MALSU1: variants seen among roughly 807,000 people sequenced by gnomAD.
The protein encoded by MALSU1 is mitochondrial assembly of ribosomal large subunit 1.
Under a neutral mutation model 22.1 loss-of-function variants are expected in MALSU1, and 22 were observed. The ratio of observed to expected loss-of-function variants is 1.00; its 90% confidence interval spans 0.71 to 1.42. The LOEUF (loss-of-function observed/expected upper bound fraction) is 1.42. Among genes scored for constraint, MALSU1 ranks in the 40% most tolerant of loss-of-function variants. MALSU1 has a pLI of 0.00. For synonymous variants in MALSU1, 153 were observed against 118.5 expected (o/e 1.29, Z -1.89); for missense variants, 379 against 308.3 (o/e 1.23, Z -1.72).
chr7:23,309,281 C>A, intron 3 of MALSU1, 75 bp from the exon 4 acceptor site: 1 of 1,317,202 alleles, frequency 7.6e-7, no homozygotes, highest in Non-Finnish European at 1.0e-6. Context: ...CTAGAGTTAG[C>A]CAGTGTGTGT....
At position 23,301,013 on chromosome 7, in the gene MALSU1, A is replaced by C. The variant is rs537148920; in HGVS notation, c.431A>C (p.Lys144Thr). ...HLHAMAFYVV[K>T]MYKHLKCKRD... The stretch of plus-strand genomic sequence containing the variant: ...CATGCCATGGCCTTCTACGTTGTGA[A>C]AATGGTAGGATGCTTTCTTTTCTCT... Residue 144 changes from lysine to threonine, a missense_variant, in exon 2 of 4, where the codon AAA becomes ACA. Transcript: ENST00000466681. 4 of 1,611,958 alleles carry C rather than the reference A, an allele frequency of 2.5e-6. No individual in the cohort carries two copies. The African/African-American group carries it at 5.3e-5, about 22-fold the overall frequency.
At chr7:23,306,914 GTTC>G (rs903497293) in intron 2 of MALSU1, among the ~76,000 whole-genome samples, 1 of 152,126 alleles carries the variant, frequency 6.6e-6, no homozygotes. Flanking sequence ...AGTGTTCCCT[GTTC>G]TTCAATTTTT....
At chr7:23,307,998 T>C in intron 3 of MALSU1, 49 bp downstream of exon 3, 5 of 1,298,230 alleles carry the variant, frequency 3.9e-6, no homozygotes, top group Non-Finnish European at 5.6e-6. Flanking sequence ...ACTACGCTAA[T>C]CTTGAATTGT....
chr7:23,306,922 A>AT (rs577978533), intron 2 of MALSU1, among the ~76,000 whole-genome samples: 51 of 152,206 alleles, frequency 3.4e-4, no homozygotes, highest in African/African-American at 1.2e-3. Flanking sequence ...CTGTTCTTCA[A>AT]TTTTTTGGGG....
chr7:23,307,787 C>CCAA (rs1157014006), intron 2 of MALSU1, 81 bp from the exon 3 acceptor site: 8 of 848,476 alleles, frequency 9.4e-6, no homozygotes, highest in African/African-American at 8.9e-5. Context: ...AACAAACAAA[C>CCAA]AAACAAAAAA....
At position 23,310,328 on chromosome 7, in the gene MALSU1, G is replaced by T. The variant is rs1164648467; in HGVS notation, c.*785G>T. The T allele has an allele frequency of 1.3e-5, 2 of 152,174 alleles. No homozygotes were observed. Among genetic ancestry groups the T allele is most frequent in the Admixed American group, 1.3e-4 (2 of 15,264 alleles). The allele number at this position is 152,174 out of a possible 1,614,324, so 9.4% of individuals were successfully genotyped here. A position where few individuals can be genotyped will look rare whatever the true frequency, so the allele number is the denominator to read the frequency against. Reference sequence around the variant, plus strand: ...ATGGTGAGTACAAAACTCAATTATAGAATTATTTCTTAGCTAGTACCAGAT... The same window carrying T: ...ATGGTGAGTACAAAACTCAATTATATAATTATTTCTTAGCTAGTACCAGAT... On this transcript the variant is annotated 3_prime_UTR_variant, in exon 4 of 4. Coordinates refer to ENST00000466681, the MANE Select transcript of MALSU1 (RefSeq NM_138446.2).
At chr7:23,303,308 GACT>G (rs1783672909) in intron 2 of MALSU1, among the ~76,000 whole-genome samples, 1 of 152,146 alleles carries the variant, frequency 6.6e-6, no homozygotes, top group Non-Finnish European at 1.5e-5. Context: ...CGACTTATCT[GACT>G]TAGCATAATG....
Position 23,310,420 on chromosome 7 carries a change from AAT to A in MALSU1, c.*880_*881del, listed in dbSNP as rs1441688061. ...TGCCATACTAAAAGGCTAGAAGTGA[AAT>A]ATGACAGAATTTAAACCAGCAGATA... On this transcript the variant is annotated 3_prime_UTR_variant, in exon 4 of 4. Transcript: ENST00000466681. The A allele has an allele frequency of 3.3e-5, 5 of 152,240 alleles. No individual in the cohort carries two copies. Among genetic ancestry groups the A allele is most frequent in the African/African-American group, 1.2e-4 (5 of 41,462 alleles). 9.4% of individuals were successfully genotyped at this position (152,240 alleles called of 1,614,324 possible).
At chr7:23,306,066 T>G (rs1302485753) in intron 2 of MALSU1, among the ~76,000 whole-genome samples, 2 of 152,182 alleles carry the variant, frequency 1.3e-5, no homozygotes, top group Non-Finnish European at 2.9e-5. Context: ...TGGTGGCGCA[T>G]GCCTGTAATC....
At chr7:23,301,852 C>G (rs1017988733) in intron 2 of MALSU1, among the ~76,000 whole-genome samples, 3 of 152,006 alleles carry the variant, frequency 2.0e-5, no homozygotes, top group Admixed American at 1.3e-4. Flanking sequence ...GCCTGTAATT[C>G]CAGCTACTCG....
intron 2 of MALSU1, among the ~76,000 whole-genome samples, chr7:23,306,055 G>T (rs1036794920): frequency 6.6e-6 from 1 of 152,132 alleles, no homozygotes; most frequent in Admixed American, 6.5e-5. Context: ...TTAGCCGGGC[G>T]TGGTGGCGCA....
chr7:23,299,385 C>T lies in MALSU1; in HGVS notation c.33C>T (p.Leu11=), dbSNP rs749335332. 3.5e-5 allele frequency: 55 copies of T among 1,589,518 alleles called. No homozygotes were observed. In the South Asian group the frequency reaches 5.5e-4, roughly 16 times the overall value. The change falls in exon 1 of 4, where the codon CTC becomes CTT. Residue 11 remains leucine (L), a synonymous_variant. Transcript: ENST00000466681. The part of the protein sequence containing the change: MGPGGRVARL[L]APLMWRRAVS... ...CGGGCGGCCGTGTGGCGCGGCTGCT[C>T]GCCCCACTAATGTGGCGCAGGGCGG...
chr7:23,303,232 C>T (rs996207529), intron 2 of MALSU1, among the ~76,000 whole-genome samples: 5 of 152,226 alleles, frequency 3.3e-5, no homozygotes, highest in African/African-American at 9.7e-5. Context: ...TACCATTCTA[C>T]TGCCTGTCTC....
chr7:23,309,121 G>A (rs570511640), intron 3 of MALSU1, among the ~76,000 whole-genome samples: 124 of 152,266 alleles, frequency 8.1e-4, no homozygotes, highest in Non-Finnish European at 1.2e-3. Context: ...CTTTGATAAA[G>A]TTACTATCAC....
chr7:23,299,480 C>T lies in MALSU1; in HGVS notation c.128C>T (p.Pro43Leu). The change falls in exon 1 of 4, where the codon CCC (proline) becomes CTC (leucine). Residue 43 changes from proline (P) to leucine (L), a missense_variant. Pro to Leu is a moderately conservative substitution (Grantham distance 98). Coordinates refer to ENST00000466681, the MANE Select transcript of MALSU1 (RefSeq NM_138446.2). ...CGGCTGCTGGCCGTGCAGCGGCTTC[C>T]CGTAGGAGCAGCGTTCTGCCGGGCT... is the stretch of plus-strand genomic sequence containing the variant. ...GLRLLAVQRL[P>L]VGAAFCRACQ... The T allele has an allele frequency of 6.2e-7, 1 of 1,610,744 alleles. No individual in the cohort carries two copies.
In MALSU1 at chr7:23,309,472, C is replaced by T. The variant is rs1209373373; in HGVS notation, c.634C>T (p.Pro212Ser). ...AGCTCAGATAGCACCTGAGACAGTACCTGAAGACTTCATTCTTGGAATAGA... is the reference window on the plus strand; with the variant it reads ...AGCTCAGATAGCACCTGAGACAGTATCTGAAGACTTCATTCTTGGAATAGA... ...QLAQIAPETV[P>S]EDFILGIEDD... is the part of the protein sequence containing the mutation. Residue 212 changes from proline to serine, a missense_variant, in exon 4 of 4, where the codon CCT becomes TCT. By Grantham distance (74) the Pro-to-Ser change is moderately conservative. Coordinates refer to ENST00000466681, the MANE Select transcript of MALSU1 (RefSeq NM_138446.2). 5 of 1,613,104 alleles carry T rather than the reference C, an allele frequency of 3.1e-6. No individual in the cohort carries two copies. In the East Asian group the frequency reaches 6.7e-5, roughly 22 times the overall value.
Position 23,309,265 on chromosome 7 carries a change from T to G in MALSU1, c.518-91T>G, listed in dbSNP as rs76432102. Reference sequence around the variant, plus strand: ...GGAACCACACTTGAGAACCACTGCTTTATTCCTAGAGTTAGCCAGTGTGTG... The same window carrying G: ...GGAACCACACTTGAGAACCACTGCTGTATTCCTAGAGTTAGCCAGTGTGTG... On this transcript the variant is annotated intron_variant, in intron 3 of 3. Transcript: ENST00000466681. 7.8e-5 allele frequency: 94 copies of G among 1,212,478 alleles called. No individual in the cohort carries two copies. The African/African-American group carries it at 1.3e-3, about 17-fold the overall frequency. The allele number at this position is 1,212,478 out of a possible 1,614,324, so 75.1% of individuals were successfully genotyped here. A position where few individuals can be genotyped will look rare whatever the true frequency, so the allele number is the denominator to read the frequency against.
chr7:23,300,355 C>G (rs1783625205), intron 1 of MALSU1, among the ~76,000 whole-genome samples: 1 of 152,118 alleles, frequency 6.6e-6, no homozygotes, highest in Non-Finnish European at 1.5e-5. Flanking sequence ...TCTCCTAGGC[C>G]TCAGTTTCTT....
rs1455926369 is a variant in MALSU1, at chr7:23,311,719, ACTT to A, written c.*2179_*2181del. 1 of 142,260 alleles carries A rather than the reference ACTT, an allele frequency of 7.0e-6. No individual in the cohort carries two copies. Among genetic ancestry groups the A allele is most frequent in the East Asian group, 2.1e-4 (1 of 4,818 alleles). 8.8% of individuals were successfully genotyped at this position (142,260 alleles called of 1,614,324 possible). A position where few individuals can be genotyped will look rare whatever the true frequency, so the allele number is the denominator to read the frequency against. On this transcript the variant is annotated 3_prime_UTR_variant, in exon 4 of 4. Transcript: ENST00000466681. ...AATTTATTTTTTAAAAAACGGTTGG[ACTT>A]CTATCATTATAAAGTATATAAAATT...
Sources: gnomAD v4.1 joint callset for allele counts (sites outside exome capture counted in the v4.1 genomes callset) on GRCh38, gnomAD v4.1.1 for gene constraint, MANE v1.5 for transcripts, NCBI Gene and HGNC (gene_info 2026-07-23, HGNC 2026-07-21) for gene names.